GRIP1: variants seen among roughly 807,000 people sequenced by gnomAD.
GRIP1 encodes glutamate receptor-interacting protein 1.
A neutral mutation model predicts 129.9 loss-of-function variants in GRIP1; 45 were observed. The observed-to-expected ratio is 0.35, with a 90% CI of 0.27 to 0.44. The LOEUF is 0.44. GRIP1 is among the 20% of genes least tolerant of loss of function. GRIP1 has a pLI of 1.00. For missense variants in GRIP1, 1,196 were observed against 1,396.8 expected (o/e 0.86, Z 2.29); for synonymous variants, 530 against 520.8 (o/e 1.02, Z -0.24).
At chr12:66,533,887 A>ACTCTCTCTCT (rs71436010) in intron 4 of GRIP1, among the ~76,000 whole-genome samples, 5,485 of 147,864 alleles carry the variant, frequency 0.037, 131 homozygotes, top group South Asian at 0.062. Context: ...ACATACACAC[A>ACTCTCTCTCT]CTCTCTCTCT....
In GRIP1 at chr12:66,968,441, C is replaced by T. The variant is rs540268764; in HGVS notation, c.58+100609G>A. ...TTTGCCTTCTCTTGCTTTAATTCTC[C>T]CCTCTTGTTCTTCTTTCTCCCGTTT... On this transcript the variant is annotated intron_variant, in intron 1 of 1. Coordinates refer to the GRIP1 transcript ENST00000643019. Among the ~76,000 whole-genome samples, 12 of 151,894 alleles carry T rather than the reference C, an allele frequency of 7.9e-5. No individual in the cohort carries two copies. In the East Asian group the frequency reaches 2.3e-3, roughly 29 times the overall value.
intron 1 of GRIP1, among the ~76,000 whole-genome samples, chr12:66,895,342 C>T (rs985100239): frequency 2.0e-5 from 3 of 152,204 alleles, no homozygotes; most frequent in South Asian, 2.1e-4. Flanking sequence ...CCCCTACACA[C>T]GTTCTCTTGC....
chr12:66,381,665 T>C (rs2056114216), intron 19 of GRIP1, among the ~76,000 whole-genome samples: 1 of 152,204 alleles, frequency 6.6e-6, no homozygotes, highest in South Asian at 2.1e-4. Flanking sequence ...AACTGTTGTA[T>C]GTATAATAAG....
intron 2 of GRIP1, among the ~76,000 whole-genome samples, chr12:66,595,210 T>C (rs1296822360): frequency 6.6e-6 from 1 of 152,096 alleles, no homozygotes; most frequent in African/African-American, 2.4e-5. Context: ...GACTTTTAAA[T>C]CTAACATAAA....
At chr12:66,492,905 G>A (rs1048190209) in intron 7 of GRIP1, among the ~76,000 whole-genome samples, 3 of 152,094 alleles carry the variant, frequency 2.0e-5, no homozygotes, top group Non-Finnish European at 4.4e-5. Flanking sequence ...AGCTACTCAG[G>A]AGGGTGAGGC....
At chr12:66,491,684 C>T (rs188027504) in intron 7 of GRIP1, among the ~76,000 whole-genome samples, 134 of 152,204 alleles carry the variant, frequency 8.8e-4, no homozygotes, top group African/African-American at 3.1e-3. Context: ...TCTTTGAGGA[C>T]CAATCTTTCA....
chr12:66,455,687 C>T, intron 10 of GRIP1, 123 bp from the exon 11 acceptor site: 1 of 864,008 alleles, frequency 1.2e-6, no homozygotes. Context: ...GGAAGGACCC[C>T]AGCCAGCTAG....
intron 1 of GRIP1, among the ~76,000 whole-genome samples, chr12:67,050,265 T>A (rs1039111753): frequency 1.3e-5 from 2 of 152,178 alleles, no homozygotes; most frequent in Admixed American, 6.6e-5. Context: ...TGCTCAGAAA[T>A]TCCTTCTTTG....
chr12:66,426,408 T>A (rs534168462), intron 14 of GRIP1, among the ~76,000 whole-genome samples: 1 of 152,270 alleles, frequency 6.6e-6, no homozygotes, highest in South Asian at 2.1e-4. Flanking sequence ...AGTTTTTTCA[T>A]TTCTCTTAAT....
In GRIP1 at chr12:66,908,009, A is replaced by C. The variant is rs549507099; in HGVS notation, c.58+161041T>G. The stretch of plus-strand genomic sequence containing the variant: ...TTACCCAAAGTGAAAAAAAATAATA[A>C]AGGTATTATTTTTCCAAAGAAGTAT... On this transcript the variant is annotated intron_variant, in intron 1 of 1. Transcript: ENST00000643019. Among the ~76,000 whole-genome samples the C allele has an allele frequency of 2.0e-5, 3 of 152,266 alleles. No individual in the cohort carries two copies. The South Asian group carries it at 6.2e-4, about 32-fold the overall frequency.
At position 66,474,571 on chromosome 12, in the gene GRIP1, C is replaced by T. The variant is rs559581676; in HGVS notation, c.725-9149G>A. ...ATGAAGGAAAAAATGTTAAGGGCAG[C>T]CAGAGAGAAAGGTCGGGTTACCCAC... On this transcript the variant is annotated intron_variant, in intron 7 of 24. Transcript: ENST00000359742. Among the ~76,000 whole-genome samples, 26 of 152,210 alleles carry T rather than the reference C, an allele frequency of 1.7e-4. 1 individual carries two copies. The highest frequency in any genetic ancestry group is 6.3e-4 in the African/African-American group (26 of 41,530).
At chr12:66,586,732 A>T (rs758839144) in intron 2 of GRIP1, among the ~76,000 whole-genome samples, 1 of 152,120 alleles carries the variant, frequency 6.6e-6, no homozygotes, top group Admixed American at 6.6e-5. Context: ...CCAATTTGTC[A>T]GTAGGTTATT....
intron 1 of GRIP1, among the ~76,000 whole-genome samples, chr12:67,028,592 C>T (rs1175749138): frequency 6.6e-6 from 1 of 152,114 alleles, no homozygotes; most frequent in Non-Finnish European, 1.5e-5. Flanking sequence ...TTTAAGAATG[C>T]TTTTTATTCA....
chr12:66,999,397 G>C (rs539052455), intron 1 of GRIP1, among the ~76,000 whole-genome samples: 2 of 152,104 alleles, frequency 1.3e-5, no homozygotes, highest in African/African-American at 4.8e-5. Context: ...TTACTAGTGG[G>C]GGTAGAGCCA....
chr12:66,459,827 C>T (rs770374158), intron 9 of GRIP1, among the ~76,000 whole-genome samples: 3 of 152,202 alleles, frequency 2.0e-5, no homozygotes, highest in Non-Finnish European at 2.9e-5. Context: ...TTCTGTTTTA[C>T]AGTGGTGTAC....
chr12:66,756,111 T>C (rs538488362), intron 1 of GRIP1, among the ~76,000 whole-genome samples: 2 of 152,320 alleles, frequency 1.3e-5, no homozygotes, highest in East Asian at 3.9e-4. Context: ...TATATTTACA[T>C]TGTTGGGCAA....
chr12:67,007,999 A>C (rs971906150), intron 1 of GRIP1, among the ~76,000 whole-genome samples: 4 of 152,226 alleles, frequency 2.6e-5, no homozygotes, highest in Non-Finnish European at 5.9e-5. Flanking sequence ...GAGTTTTTGC[A>C]GAAATAACAA....
intron 23 of GRIP1, among the ~76,000 whole-genome samples, chr12:66,359,181 G>A (rs920067571): frequency 1.2e-4 from 19 of 152,206 alleles, no homozygotes; most frequent in Non-Finnish European, 2.4e-4. Context: ...TGCTCTGCAG[G>A]CCTAGCCATA....
At chr12:66,433,319 TA>T (rs1565732782) in intron 13 of GRIP1, among the ~76,000 whole-genome samples, 1 of 152,118 alleles carries the variant, frequency 6.6e-6, no homozygotes, top group Non-Finnish European at 1.5e-5. Context: ...CCAATCAAAC[TA>T]GATGCTGACC....
Sources: gnomAD v4.1 joint callset for allele counts (sites outside exome capture counted in the v4.1 genomes callset) on GRCh38, gnomAD v4.1.1 for gene constraint, MANE v1.5 for transcripts, NCBI Gene and HGNC (gene_info 2026-07-23, HGNC 2026-07-21) for gene names.